POLH: variants seen among roughly 807,000 people sequenced by gnomAD.
POLH encodes DNA polymerase eta.
In POLH, 53 loss-of-function variants were observed where a neutral mutation model predicts 73.6. The observed-to-expected ratio is 0.72, with a 90% confidence interval of 0.58 to 0.91. POLH has a LOEUF of 0.91. Ranked by LOEUF, POLH falls within the 40% of genes least tolerant of loss-of-function variation. The probability of loss-of-function intolerance (pLI) is 0.00; values close to 1 mark genes in which losing one functional copy is unlikely to be tolerated. For synonymous variants in POLH, 292 were observed against 308.5 expected (o/e 0.95, Z 0.56); for missense variants, 768 against 865.4 (o/e 0.89, Z 1.41).
chr6:43,577,548 TTGAC>T (rs1245477351), intron 1 of POLH, among the ~76,000 whole-genome samples: 1 of 152,252 alleles, frequency 6.6e-6, no homozygotes, highest in African/African-American at 2.4e-5. Flanking sequence ...AATTAATGCT[TTGAC>T]TGCTCTGATT....
At chr6:43,583,591 C>T (rs1286564702) in intron 3 of POLH, among the ~76,000 whole-genome samples, 2 of 152,122 alleles carry the variant, frequency 1.3e-5, no homozygotes, top group African/African-American at 2.4e-5. Context: ...GCTATCTCTC[C>T]GCAAATATTA....
chr6:43,590,351 C>T (rs1388880264), intron 4 of POLH, among the ~76,000 whole-genome samples: 1 of 148,820 alleles, frequency 6.7e-6, no homozygotes, highest in Non-Finnish European at 1.5e-5. Context: ...GAGCAAGACT[C>T]CATCTTAAAA....
Position 43,613,897 on chromosome 6 carries a change from A to G in POLH, c.1482A>G (p.Lys494=). 1 of 1,613,974 alleles carries G rather than the reference A, an allele frequency of 6.2e-7. No homozygotes were observed. Among genetic ancestry groups the G allele is most frequent in the Non-Finnish European group, 8.5e-7 (1 of 1,180,046 alleles). Residue 494 remains lysine, a synonymous_variant, in exon 11 of 11, where the codon AAA becomes AAG. Transcript: ENST00000372236. ...AAGCTGCAGAAAGGCAGAAAGTTAA[A>G]GAAGCTTCGCTTTCATCTCTTACTG... ...FQKAAERQKV[K]EASLSSLTAP... is the part of the protein sequence containing the mutation.
At chr6:43,611,094 T>C (rs1463741829) in intron 10 of POLH, among the ~76,000 whole-genome samples, 1 of 152,164 alleles carries the variant, frequency 6.6e-6, no homozygotes, top group African/African-American at 2.4e-5. Context: ...CCATCTGGGA[T>C]AGACTCTGAC....
chr6:43,600,205 C>T (rs1766579540), intron 5 of POLH, among the ~76,000 whole-genome samples: 3 of 149,938 alleles, frequency 2.0e-5, no homozygotes, highest in African/African-American at 4.9e-5. Context: ...TGAGGCGGGT[C>T]GACAGATCTC....
At chr6:43,582,929 T>C (rs1324980540) in intron 2 of POLH, 78 bp from the exon 3 acceptor site, 4 of 1,221,662 alleles carry the variant, frequency 3.3e-6, no homozygotes. Context: ...TGTTTATAGA[T>C]TACTTGTGTT....
intron 1 of POLH, among the ~76,000 whole-genome samples, chr6:43,580,116 C>A (rs1049198426): frequency 6.7e-6 from 1 of 149,346 alleles, no homozygotes; most frequent in Non-Finnish European, 1.5e-5. Context: ...TGACTCTTAA[C>A]GAGCATGCTG....
chr6:43,581,352 CG>C (rs1292935260), intron 1 of POLH, among the ~76,000 whole-genome samples: 3 of 136,684 alleles, frequency 2.2e-5, no homozygotes, highest in Non-Finnish European at 4.7e-5. Context: ...TGGGAAGAGG[CG>C]CTCCTCACTT....
At chr6:43,578,582 G>A (rs1582261991) in intron 1 of POLH, 1 of 273,434 alleles carries the variant, frequency 3.7e-6, no homozygotes, top group South Asian at 3.4e-5. Flanking sequence ...AAATGCCACA[G>A]ATTGGGGGGC....
In POLH at chr6:43,614,166, T is replaced by G; in HGVS notation, c.1751T>G (p.Leu584Arg). ...CVPVCEGVSK[L>R]EESSKATPAE... Reference sequence around the variant, plus strand: ...CCTGTTTGTGAAGGGGTGTCGAAGCTAGAAGAATCCTCTAAAGCAACTCCT... The same window carrying G: ...CCTGTTTGTGAAGGGGTGTCGAAGCGAGAAGAATCCTCTAAAGCAACTCCT... Residue 584 changes from leucine (L) to arginine (R), a missense_variant, in exon 11 of 11, where the codon CTA becomes CGA. Transcript: ENST00000372236. 6.2e-7 allele frequency: 1 copy of G among 1,614,216 alleles called. No individual in the cohort carries two copies. The highest frequency in any genetic ancestry group is 8.5e-7 in the Non-Finnish European group (1 of 1,180,040).
intron 9 of POLH, chr6:43,605,526 G>A: frequency 2.0e-6 from 1 of 504,994 alleles, no homozygotes. Flanking sequence ...ATGGCTCACT[G>A]CAACCTCTAC....
intron 2 of POLH, 41 bp downstream of exon 2, chr6:43,582,497 A>G: frequency 6.3e-7 from 1 of 1,599,544 alleles, no homozygotes; most frequent in Non-Finnish European, 8.6e-7. Context: ...CAATGGTAAC[A>G]CAGTGGCACT....
At position 43,620,409 on chromosome 6, in the gene POLH, T is replaced by C. The variant is rs939194998; in HGVS notation, c.*5852T>C. 1 of 451,104 alleles carries C rather than the reference T, an allele frequency of 2.2e-6. No homozygotes were observed. The highest frequency in any genetic ancestry group is 2.8e-5 in the Admixed American group (1 of 35,322). The allele number at this position is 451,104 out of a possible 1,614,324, so 27.9% of individuals were successfully genotyped here. On this transcript the variant is annotated 3_prime_UTR_variant, in exon 11 of 11. Transcript: ENST00000372236. ...TTCCACATTCAGGGCTCAGCAGTGT[T>C]GGGGTTTCACTTGTCTCTAATCCTG... is the stretch of plus-strand genomic sequence containing the variant.
intron 9 of POLH, among the ~76,000 whole-genome samples, chr6:43,607,960 GTC>G (rs1256833762): frequency 6.6e-6 from 1 of 152,102 alleles, no homozygotes; most frequent in Non-Finnish European, 1.5e-5. Flanking sequence ...GCGAAACCCT[GTC>G]TCTACTAAAA....
intron 4 of POLH, among the ~76,000 whole-genome samples, chr6:43,593,698 G>GGT (rs1765721553): frequency 6.6e-6 from 1 of 152,018 alleles, no homozygotes. Context: ...TGGCCAACAT[G>GGT]GTGAGACCCT....
chr6:43,585,199 G>C (rs977903971), intron 3 of POLH, among the ~76,000 whole-genome samples: 3 of 152,162 alleles, frequency 2.0e-5, no homozygotes, highest in Non-Finnish European at 4.4e-5. Flanking sequence ...AGGCATGTGA[G>C]AAGGGGTGCG....
In POLH at chr6:43,615,408, A is replaced by G. The variant is rs552881268; in HGVS notation, c.*851A>G. 6.6e-6 allele frequency: 1 copy of G among 151,898 alleles called. No homozygotes were observed. The highest frequency in any genetic ancestry group is 2.0e-4 in the East Asian group (1 of 5,056). The allele number at this position is 151,898 out of a possible 1,614,324, so 9.4% of individuals were successfully genotyped here. ...CTCTACTAAAATTACAAAAAAAATT[A>G]TCCAGGCGTGGTGGTGCACGCCTGT... On this transcript the variant is annotated 3_prime_UTR_variant, in exon 11 of 11. Coordinates refer to ENST00000372236, the MANE Select transcript of POLH (RefSeq NM_006502.3).
At chr6:43,600,870 T>A (rs1223508104) in intron 5 of POLH, 118 bp from the exon 6 acceptor site, 6 of 769,692 alleles carry the variant, frequency 7.8e-6, no homozygotes, top group Admixed American at 3.7e-5. Flanking sequence ...GTTTTTAATG[T>A]AGAAACCATT....
At chr6:43,604,115 T>C (rs1378177576) in intron 7 of POLH, 104 bp downstream of exon 7, 1 of 965,866 alleles carries the variant, frequency 1.0e-6, no homozygotes, top group East Asian at 2.5e-5. Context: ...TAGGTTAACA[T>C]TTGTTTCTTG....
Sources: allele counts gnomAD v4.1 joint callset (sites outside exome capture counted in the v4.1 genomes callset), GRCh38; gene constraint gnomAD v4.1.1; transcripts MANE v1.5; gene names NCBI Gene and HGNC (gene_info 2026-07-23, HGNC 2026-07-21).